ANO3: variants seen among roughly 807,000 people sequenced by gnomAD.
ANO3 encodes anoctamin 3.
ANO3 carries 99 observed loss-of-function variants against 144.8 expected under a neutral mutation model. The ratio of observed to expected loss-of-function variants is 0.68; its 90% confidence interval spans 0.58 to 0.81. The LOEUF is 0.81. Ranked by LOEUF, ANO3 falls within the 30% of genes least tolerant of loss-of-function variation. The pLI is 0.00. For synonymous variants in ANO3, 414 were observed against 392.6 expected, an observed-to-expected ratio of 1.05 and a Z score of -0.64; for missense variants, 905 against 1,202.2, an observed-to-expected ratio of 0.75 and a Z score of 3.66.
intron 4 of ANO3, among the ~76,000 whole-genome samples, chr11:26,468,594 G>A (rs1354374791): frequency 6.6e-6 from 1 of 151,948 alleles, no homozygotes; most frequent in Non-Finnish European, 1.5e-5. Context: ...GAAAGAGATA[G>A]CTTTTGTAGT....
chr11:26,226,294 T>G (rs1852255596), intron 1 of ANO3, among the ~76,000 whole-genome samples: 1 of 152,072 alleles, frequency 6.6e-6, no homozygotes, highest in African/African-American at 2.4e-5. Flanking sequence ...TATTAAATCT[T>G]GATTTATAGA....
intron 1 of ANO3, among the ~76,000 whole-genome samples, chr11:26,290,569 C>G (rs1316762673): frequency 6.6e-6 from 1 of 152,054 alleles, no homozygotes; most frequent in South Asian, 2.1e-4. Context: ...TTCCCTCTAC[C>G]AACTGCTTTA....
chr11:26,249,628 T>C (rs1852880916), intron 1 of ANO3, among the ~76,000 whole-genome samples: 2 of 152,120 alleles, frequency 1.3e-5, no homozygotes, highest in African/African-American at 4.8e-5. Flanking sequence ...GTTATGTTGT[T>C]AAATATATTT....
At chr11:26,372,872 T>C (rs1856300757) in intron 1 of ANO3, among the ~76,000 whole-genome samples, 1 of 152,152 alleles carries the variant, frequency 6.6e-6, no homozygotes, top group South Asian at 2.1e-4. Context: ...TATATTCATA[T>C]TATAAACATC....
intron 1 of ANO3, among the ~76,000 whole-genome samples, chr11:26,301,628 A>T (rs1358274071): frequency 1.3e-5 from 2 of 152,164 alleles, no homozygotes; most frequent in African/African-American, 4.8e-5. Flanking sequence ...AGGGGAGTGG[A>T]GGGATTGAGA....
chr11:26,638,286 A>G (rs1406369412), intron 20 of ANO3, among the ~76,000 whole-genome samples: 1 of 152,140 alleles, frequency 6.6e-6, no homozygotes, highest in Non-Finnish European at 1.5e-5. Context: ...AATTAACATC[A>G]CCAGTGATGT....
chr11:26,338,049 T>C (rs1855238577), intron 1 of ANO3, among the ~76,000 whole-genome samples: 1 of 152,106 alleles, frequency 6.6e-6, no homozygotes. Flanking sequence ...CTTTGAACAT[T>C]TACCTTTTCT....
intron 14 of ANO3, among the ~76,000 whole-genome samples, chr11:26,569,836 A>AG (rs1250309288): frequency 6.6e-6 from 1 of 152,102 alleles, no homozygotes; most frequent in Non-Finnish European, 1.5e-5. Context: ...TCTGTCAGCC[A>AG]GGTGCACTGT....
chr11:26,641,706 A>C (rs4298853), intron 21 of ANO3, among the ~76,000 whole-genome samples, 190 bp from the exon 22 acceptor site: 1 of 151,012 alleles, frequency 6.6e-6, no homozygotes, highest in Non-Finnish European at 1.5e-5. Flanking sequence ...TTTAAAAAAA[A>C]TTTTTTAAGA....
intron 4 of ANO3, among the ~76,000 whole-genome samples, chr11:26,467,463 A>G (rs1209832712): frequency 6.6e-6 from 1 of 151,640 alleles, no homozygotes; most frequent in African/African-American, 2.4e-5. Context: ...GGTAATCATC[A>G]TTCTACTTTC....
At chr11:26,406,488 C>T (rs563644610) in intron 1 of ANO3, among the ~76,000 whole-genome samples, 2 of 151,874 alleles carry the variant, frequency 1.3e-5, no homozygotes, top group East Asian at 3.9e-4. Flanking sequence ...GAATTTTTAT[C>T]AGAGAATCAA....
chr11:26,349,585 G>A (rs549309373), intron 1 of ANO3, among the ~76,000 whole-genome samples: 167 of 152,174 alleles, frequency 1.1e-3, no homozygotes, highest in African/African-American at 3.7e-3. Context: ...GTCTTGCTCT[G>A]TTGCCCAGGC....
chr11:26,196,162 C>T (rs1851583839), intron 1 of ANO3, among the ~76,000 whole-genome samples: 1 of 152,118 alleles, frequency 6.6e-6, no homozygotes, highest in South Asian at 2.1e-4. Flanking sequence ...AACTACATGA[C>T]TTTTAGACCA....
intron 1 of ANO3, among the ~76,000 whole-genome samples, chr11:26,228,464 T>C (rs1401776103): frequency 6.6e-6 from 1 of 152,230 alleles, no homozygotes; most frequent in Admixed American, 6.5e-5. Context: ...ATTCCTGGCA[T>C]CAACAAACAC....
intron 1 of ANO3, among the ~76,000 whole-genome samples, chr11:26,204,818 G>A: frequency 6.6e-6 from 1 of 152,164 alleles, no homozygotes; most frequent in Non-Finnish European, 1.5e-5. Flanking sequence ...TCAGATGTGT[G>A]CTTCATGTTC....
chr11:26,526,633 C>T (rs1478988547), intron 7 of ANO3, among the ~76,000 whole-genome samples: 1 of 151,978 alleles, frequency 6.6e-6, no homozygotes, highest in Non-Finnish European at 1.5e-5. Context: ...GGGAAAATGT[C>T]CATCTGTTTT....
chr11:26,378,992 A>G (rs1382455492), intron 1 of ANO3, among the ~76,000 whole-genome samples: 1 of 150,808 alleles, frequency 6.6e-6, no homozygotes, highest in Non-Finnish European at 1.5e-5. Flanking sequence ...GCCTCAAAAC[A>G]TAATGATAGG....
At chr11:26,391,047 G>A (rs1038545269) in intron 1 of ANO3, among the ~76,000 whole-genome samples, 1 of 152,058 alleles carries the variant, frequency 6.6e-6, no homozygotes, top group African/African-American at 2.4e-5. Context: ...CCACAACTTT[G>A]CCAACTGTCT....
At chr11:26,611,351 T>G (rs189396732) in intron 17 of ANO3, among the ~76,000 whole-genome samples, 8 of 152,304 alleles carry the variant, frequency 5.3e-5, no homozygotes, top group Non-Finnish European at 1.2e-4. Context: ...CAATTTCTCT[T>G]TTAATTTATT....
Sources: allele counts gnomAD v4.1 joint callset (sites outside exome capture counted in the v4.1 genomes callset), GRCh38; gene constraint gnomAD v4.1.1; transcripts MANE v1.5; gene names NCBI Gene and HGNC (gene_info 2026-07-23, HGNC 2026-07-21).